The following PRKCZ variants were observed in gnomAD, a reference collection of about 807,000 sequenced individuals.
PRKCZ encodes protein kinase C zeta, also known as protein kinase C zeta type.
Under a neutral mutation model 79.5 loss-of-function variants are expected in PRKCZ, and 33 were observed. The ratio of observed to expected loss-of-function variants is 0.41; its 90% confidence interval spans 0.31 to 0.55. The LOEUF is 0.55. Ranked by LOEUF, PRKCZ falls within the 20% of genes least tolerant of loss-of-function variation. The probability of loss-of-function intolerance (pLI) is 0.19; values close to 1 mark genes in which losing one functional copy is unlikely to be tolerated. For missense variants in PRKCZ, 578 were observed against 813.5 expected (o/e 0.71, Z 3.52); for synonymous variants, 342 against 320.9 (o/e 1.07, Z -0.70).
chr1:2,121,813 C>T (rs62642590), intron 4 of PRKCZ, among the ~76,000 whole-genome samples: 114 of 3,852 alleles, frequency 0.03, 17 homozygotes, highest in Middle Eastern at 0.071. Flanking sequence ...GTTAGGGTCA[C>T]GGTGGTGGTT....
rs1034155700 is a variant in PRKCZ, at chr1:2,074,056, C to G, written c.334+14465C>G. On this transcript the variant is annotated intron_variant, in intron 4 of 17. Coordinates refer to ENST00000378567, the MANE Select transcript of PRKCZ (RefSeq NM_002744.6). ...TTTTGGGTCTGAGTCCCGGCGTTGC[C>G]GCTGCCTGTGCGCTGCACAGATGCT... 68 of 1,449,104 alleles carry G rather than the reference C, an allele frequency of 4.7e-5. No homozygotes were observed. The African/African-American group carries it at 8.5e-4, about 18-fold the overall frequency. The allele number at this position is 1,449,104 out of a possible 1,614,324, so 89.8% of individuals were successfully genotyped here. A position where few individuals can be genotyped will look rare whatever the true frequency, so the allele number is the denominator to read the frequency against.
chr1:2,074,407 T>C, intron 4 of PRKCZ: 4 of 1,289,510 alleles, frequency 3.1e-6, no homozygotes, highest in South Asian at 2.6e-5. Context: ...GGAGTTTCAC[T>C]GTGGCCGATG....
Position 2,185,128 on chromosome 1 carries a change from G to A in PRKCZ, c.*119G>A, listed in dbSNP as rs935503928. On this transcript the variant is annotated 3_prime_UTR_variant, in exon 18 of 18. Transcript: ENST00000378567. ...AGGGCGGCCAGGGACAGACGCTTGC[G>A]CCGAGACCGCAGAGGGAAGCGTCAG... is the stretch of plus-strand genomic sequence containing the variant. 11 of 980,008 alleles carry A rather than the reference G, an allele frequency of 1.1e-5. No homozygotes were observed. The highest frequency in any genetic ancestry group is 2.9e-5 in the South Asian group (2 of 67,926). 60.7% of individuals were successfully genotyped at this position (980,008 alleles called of 1,614,324 possible). A position where few individuals can be genotyped will look rare whatever the true frequency, so the allele number is the denominator to read the frequency against.
chr1:2,114,791 AAAAG>A lies in PRKCZ; in HGVS notation c.335-20467_335-20464del, dbSNP rs559768718. The stretch of plus-strand genomic sequence containing the variant: ...CCGTCTCAAAAAAAAAAGAAAAAGA[AAAAG>A]AAAAAGCTAAGATGCAGCAGGTGGA... On this transcript the variant is annotated intron_variant, in intron 4 of 17. Transcript: ENST00000378567. Among the ~76,000 whole-genome samples, 117 of 152,304 alleles carry A rather than the reference AAAAG, an allele frequency of 7.7e-4. No individual in the cohort carries two copies. In the South Asian group the frequency reaches 0.017, roughly 22 times the overall value.
Position 2,165,176 on chromosome 1 carries a change from C to A in PRKCZ, c.975-4342C>A, listed in dbSNP as rs571505203. On this transcript the variant is annotated intron_variant, in intron 10 of 17. Transcript: ENST00000378567. This position sits in a 1 kb window ranked among gnomAD's most constrained non-coding sequence, Gnocchi z 4.1. ...AATCCTTCTGTGGATTCAGCTTTAC[C>A]GCCTTTCCTCATCTGCTGGTGTCTT... 2.0e-5 allele frequency among the ~76,000 whole-genome samples: 3 copies of A among 152,350 alleles called. No individual in the cohort carries two copies. Among genetic ancestry groups the A allele is most frequent in the African/African-American group, 4.8e-5 (2 of 41,582 alleles).
rs962071624 is a variant in PRKCZ at position 2,178,723 on chromosome 1, C to T, written c.1575+3410C>T. On this transcript the variant is annotated intron_variant, in intron 16 of 17. Coordinates refer to ENST00000378567, the MANE Select transcript of PRKCZ (RefSeq NM_002744.6). This position sits in a 1 kb window ranked among gnomAD's most constrained non-coding sequence, Gnocchi z 4.3. Reference sequence around the variant, plus strand: ...CTTAGTTCCATGGCTGTAGTGGGCACAGCTTGAGAACAGTCCCTCGGTGGG... The same window carrying T: ...CTTAGTTCCATGGCTGTAGTGGGCATAGCTTGAGAACAGTCCCTCGGTGGG... Among the ~76,000 whole-genome samples, 1 of 152,182 alleles carries T rather than the reference C, an allele frequency of 6.6e-6. No individual in the cohort carries two copies. Among genetic ancestry groups the T allele is most frequent in the African/African-American group, 2.4e-5 (1 of 41,438 alleles).
intron 4 of PRKCZ, among the ~76,000 whole-genome samples, chr1:2,083,661 T>C (rs913310389): frequency 6.6e-6 from 1 of 152,056 alleles, no homozygotes; most frequent in Non-Finnish European, 1.5e-5. Context: ...GGAAATCCAG[T>C]GTGTGAGGAG....
At chr1:2,086,680 C>T (rs1211368669) in intron 4 of PRKCZ, among the ~76,000 whole-genome samples, 1 of 152,210 alleles carries the variant, frequency 6.6e-6, no homozygotes, top group East Asian at 1.9e-4. Flanking sequence ...TGAGGCTGTG[C>T]CCGGTGGGCG....
At chr1:2,169,940 A>G (rs1056583977) in intron 11 of PRKCZ, among the ~76,000 whole-genome samples, 3 of 151,942 alleles carry the variant, frequency 2.0e-5, no homozygotes, top group Non-Finnish European at 4.4e-5. Flanking sequence ...GACACATTCC[A>G]TATTTGCTCC....
intron 1 of PRKCZ, among the ~76,000 whole-genome samples, chr1:2,052,826 C>T (rs533922671): frequency 7.2e-5 from 11 of 152,304 alleles, no homozygotes; most frequent in South Asian, 6.2e-4. Flanking sequence ...GGTAGCTGAG[C>T]GTGGACACGT....
upstream of PRKCZ, chr1:2,049,203 T>G (rs557994656): frequency 6.6e-6 from 1 of 152,234 alleles, no homozygotes; most frequent in African/African-American, 2.4e-5. Context: ...AGAAAACGTC[T>G]GAGAACCGAC....
At chr1:2,073,257 C>T (rs1047688935) in intron 4 of PRKCZ, among the ~76,000 whole-genome samples, 34 of 152,302 alleles carry the variant, frequency 2.2e-4, no homozygotes, top group African/African-American at 6.3e-4. Flanking sequence ...CAGTGCCCAC[C>T]GTCCCCACAC....
intron 1 of PRKCZ, chr1:2,050,949 G>T: frequency 2.7e-6 from 1 of 368,370 alleles, no homozygotes; most frequent in Non-Finnish European, 4.8e-6. Context: ...GAGCTCCTCG[G>T]CCCGGTCATT....
intron 1 of PRKCZ, among the ~76,000 whole-genome samples, chr1:2,053,845 C>T (rs894026281): frequency 6.6e-6 from 1 of 152,228 alleles, no homozygotes; most frequent in Admixed American, 6.5e-5. Context: ...CCCCTCCATT[C>T]CTTACTTTCC....
At chr1:2,160,959 G>A (rs1445367391) in intron 10 of PRKCZ, among the ~76,000 whole-genome samples, 1 of 141,248 alleles carries the variant, frequency 7.1e-6, no homozygotes, top group Non-Finnish European at 1.5e-5. Flanking sequence ...AGGCGCCGCC[G>A]TCGGGGTGGA....
chr1:2,145,897 T>G, intron 6 of PRKCZ, 130 bp from the exon 7 acceptor site: 1 of 734,972 alleles, frequency 1.4e-6, no homozygotes, highest in Non-Finnish European at 2.3e-6. Flanking sequence ...GCCTGGATGA[T>G]GACAGACTGT....
At position 2,125,334 on chromosome 1, in the gene PRKCZ, G is replaced by T. The variant is rs1673661059; in HGVS notation, c.335-9928G>T. Among the ~76,000 whole-genome samples, 1 of 152,212 alleles carries T rather than the reference G, an allele frequency of 6.6e-6. No homozygotes were observed. Among genetic ancestry groups the T allele is most frequent in the African/African-American group, 2.4e-5 (1 of 41,450 alleles). The stretch of plus-strand genomic sequence containing the variant: ...AGTCATTTCATAAAATCTTGATTTT[G>T]TATTACAACAAATTAGGATATTTTC... On this transcript the variant is annotated intron_variant, in intron 4 of 17. Coordinates refer to ENST00000378567, the MANE Select transcript of PRKCZ (RefSeq NM_002744.6). The surrounding 1 kb of genome is among the most constrained non-coding windows in gnomAD (Gnocchi z 4.2).
In PRKCZ at chr1:2,169,501, C is replaced by T. The variant is rs542350947; in HGVS notation, c.975-17C>T. ...CTGCCGAGGTGACTGCAGCCTCCGGCGCCTCTCTCCCTGCAGGTTGTTCCT... is the reference window on the plus strand; with the variant it reads ...CTGCCGAGGTGACTGCAGCCTCCGGTGCCTCTCTCCCTGCAGGTTGTTCCT... On this transcript the variant is annotated splice_polypyrimidine_tract_variant and intron_variant, in intron 10 of 17. Coordinates refer to ENST00000378567, the MANE Select transcript of PRKCZ (RefSeq NM_002744.6). The T allele has an allele frequency of 4.3e-5, 66 of 1,547,726 alleles. 2 individuals carry two copies. The South Asian group carries it at 5.4e-4, about 13-fold the overall frequency.
At chr1:2,120,360 C>T (rs906923070) in intron 4 of PRKCZ, among the ~76,000 whole-genome samples, 3 of 116,200 alleles carry the variant, frequency 2.6e-5, no homozygotes, top group African/African-American at 3.3e-5. Flanking sequence ...AGTGCAATGG[C>T]GCGATCTCGA....
Sources: allele counts gnomAD v4.1 joint callset (sites outside exome capture counted in the v4.1 genomes callset), GRCh38; gene constraint gnomAD v4.1.1; non-coding constraint Gnocchi (gnomAD v3.1); transcripts MANE v1.5; gene names NCBI Gene and HGNC (gene_info 2026-07-23, HGNC 2026-07-21).